PIK3R1: variants seen among roughly 807,000 people sequenced by gnomAD.
The protein encoded by PIK3R1 is phosphatidylinositol 3-kinase regulatory subunit alpha.
In PIK3R1, 29 loss-of-function variants were observed where a neutral mutation model predicts 98.0. The observed-to-expected ratio is 0.30, with a 90% CI of 0.22 to 0.40. The LOEUF is 0.40. PIK3R1 is among the 10% of genes least tolerant of loss of function. PIK3R1 has a pLI of 1.00. For synonymous variants in PIK3R1, 282 were observed against 311.8 expected, an observed-to-expected ratio of 0.90 and a Z score of 1.01; for missense variants, 596 against 872.7, an observed-to-expected ratio of 0.68 and a Z score of 3.99.
chr5:68,296,967 A>T (rs1747752221), intron 15 of PIK3R1, among the ~76,000 whole-genome samples: 1 of 152,066 alleles, frequency 6.6e-6, no homozygotes, highest in South Asian at 2.1e-4. Flanking sequence ...GCAGAGATGG[A>T]GAGTTGTGCA....
intron 2 of PIK3R1, among the ~76,000 whole-genome samples, chr5:68,245,132 T>A (rs1311058114): frequency 2.0e-5 from 3 of 152,226 alleles, no homozygotes; most frequent in Non-Finnish European, 4.4e-5. Flanking sequence ...ATATGATGGG[T>A]CTTGTTAGCT....
At chr5:68,291,372 C>G (rs1270871835) in intron 7 of PIK3R1, 1 of 152,104 alleles carries the variant, frequency 6.6e-6, no homozygotes, top group Non-Finnish European at 1.5e-5. Context: ...GTAAAATATT[C>G]TTGGTAGATA....
chr5:68,290,006 G>A (rs1747300834), intron 7 of PIK3R1, among the ~76,000 whole-genome samples: 1 of 151,918 alleles, frequency 6.6e-6, no homozygotes, highest in South Asian at 2.1e-4. Context: ...TCTGCTAATA[G>A]GCATCTGCAT....
Position 68,300,641 on chromosome 5 carries a change from C to T in PIK3R1, c.*3040C>T. The stretch of plus-strand genomic sequence containing the variant: ...TGATAAATGTATATATGTATATGTG[C>T]ATGGACTGTGTTTCCAGTACACCTT... On this transcript the variant is annotated 3_prime_UTR_variant, in exon 16 of 16. Coordinates refer to ENST00000521381, the MANE Select transcript of PIK3R1 (RefSeq NM_181523.3). 1 of 233,270 alleles carries T rather than the reference C, an allele frequency of 4.3e-6. No individual in the cohort carries two copies. 14.5% of individuals were successfully genotyped at this position (233,270 alleles called of 1,614,324 possible). A position where few individuals can be genotyped will look rare whatever the true frequency, so the allele number is the denominator to read the frequency against.
chr5:68,231,499 A>T (rs1744475892), intron 2 of PIK3R1, among the ~76,000 whole-genome samples: 1 of 152,158 alleles, frequency 6.6e-6, no homozygotes, highest in African/African-American at 2.4e-5. Flanking sequence ...TTATTGTTAA[A>T]TTTTTCACAT....
At chr5:68,246,638 T>C (rs1013928617) in intron 2 of PIK3R1, among the ~76,000 whole-genome samples, 11 of 152,244 alleles carry the variant, frequency 7.2e-5, no homozygotes, top group Non-Finnish European at 1.3e-4. Flanking sequence ...ATTTTTTGTT[T>C]TTTGAGACGG....
intron 2 of PIK3R1, among the ~76,000 whole-genome samples, chr5:68,254,297 G>T (rs1409121276): frequency 6.6e-6 from 1 of 152,158 alleles, no homozygotes; most frequent in Non-Finnish European, 1.5e-5. Flanking sequence ...CCCTTCTCTT[G>T]TTCTCTCTCT....
rs1748108327 is a variant in PIK3R1 at position 68,301,581 on chromosome 5, G to C, written c.*3980G>C. 1 of 157,996 alleles carries C rather than the reference G, an allele frequency of 6.3e-6. No individual in the cohort carries two copies. Among genetic ancestry groups the C allele is most frequent in the Admixed American group, 6.8e-5 (1 of 14,744 alleles). 9.8% of individuals were successfully genotyped at this position (157,996 alleles called of 1,614,324 possible). On this transcript the variant is annotated 3_prime_UTR_variant, in exon 16 of 16. Transcript: ENST00000521381. ...TTTTTAAAGCTACAATCTGTTCAAT[G>C]TTTTTAAAAATCTGTTTATATGACA...
chr5:68,283,404 C>CT (rs1380871327), intron 7 of PIK3R1, among the ~76,000 whole-genome samples: 2 of 152,152 alleles, frequency 1.3e-5, no homozygotes, highest in South Asian at 2.1e-4. Flanking sequence ...TACACATACT[C>CT]TAAGTACAAA....
chr5:68,236,710 GTGAAGTGATCGGTAAC>G lies in PIK3R1; in HGVS notation c.334+9706_334+9721del, dbSNP rs1421660891. ...TGAGGATCTCCTTAAGCAGTCTCTT[GTGAAGTGATCGGTAAC>G]TGAATTTTGCTTTTTGGGTGGTCTT... On this transcript the variant is annotated intron_variant, in intron 2 of 15. Transcript: ENST00000521381. Among the ~76,000 whole-genome samples the G allele has an allele frequency of 5.3e-5, 8 of 152,346 alleles. No individual in the cohort carries two copies. The South Asian group carries it at 1.4e-3, about 28-fold the overall frequency.
intron 8 of PIK3R1, chr5:68,292,567 C>T (rs757271049): frequency 3.3e-6 from 5 of 1,495,352 alleles, no homozygotes; most frequent in East Asian, 2.6e-5. Context: ...CGGGAAGTTT[C>T]ATTATTGACA....
chr5:68,278,812 C>T (rs1746689008), intron 4 of PIK3R1, among the ~76,000 whole-genome samples: 2 of 152,084 alleles, frequency 1.3e-5, no homozygotes, highest in African/African-American at 4.8e-5. Context: ...TGGTGGTACA[C>T]ACCTGTAATC....
At chr5:68,228,333 T>G (rs904049007) in intron 2 of PIK3R1, among the ~76,000 whole-genome samples, 4 of 152,234 alleles carry the variant, frequency 2.6e-5, no homozygotes, top group Non-Finnish European at 4.4e-5. Flanking sequence ...AATATTGTGT[T>G]AAAATCAAGG....
At chr5:68,262,570 T>C (rs1409333693) in intron 2 of PIK3R1, among the ~76,000 whole-genome samples, 6 of 146,660 alleles carry the variant, frequency 4.1e-5, no homozygotes, top group Non-Finnish European at 9.0e-5. Context: ...TATACACATG[T>C]ACCTACATGT....
intron 7 of PIK3R1, among the ~76,000 whole-genome samples, chr5:68,282,287 G>A (rs545454996): frequency 5.3e-5 from 8 of 152,324 alleles, no homozygotes; most frequent in African/African-American, 1.2e-4. Flanking sequence ...GGAGCTCTGT[G>A]CTGGTGTTCA....
intron 2 of PIK3R1, among the ~76,000 whole-genome samples, chr5:68,248,878 G>C (rs936684719): frequency 4.6e-5 from 7 of 152,194 alleles, no homozygotes. Context: ...AAACAGAAGA[G>C]TGGTTGGAGT....
At chr5:68,221,632 A>G (rs1297529427) in intron 1 of PIK3R1, among the ~76,000 whole-genome samples, 2 of 152,246 alleles carry the variant, frequency 1.3e-5, no homozygotes, top group African/African-American at 4.8e-5. Context: ...TGTCATTTCT[A>G]AATGGAGAAT....
chr5:68,278,367 A>G (rs897265099), intron 4 of PIK3R1, among the ~76,000 whole-genome samples: 1 of 152,186 alleles, frequency 6.6e-6, no homozygotes, highest in Non-Finnish European at 1.5e-5. Flanking sequence ...TTGGTTGCTA[A>G]AAGTCTGTAG....
chr5:68,251,737 C>T (rs1007097892), intron 2 of PIK3R1, among the ~76,000 whole-genome samples: 1 of 152,132 alleles, frequency 6.6e-6, no homozygotes, highest in African/African-American at 2.4e-5. Context: ...TTCCATTCTT[C>T]AGACTTTGCA....
Sources: gnomAD v4.1 joint callset for allele counts (sites outside exome capture counted in the v4.1 genomes callset) on GRCh38, gnomAD v4.1.1 for gene constraint, MANE v1.5 for transcripts, NCBI Gene and HGNC (gene_info 2026-07-23, HGNC 2026-07-21) for gene names.